Variants in C2CD2 observed in about 807,000 individuals in gnomAD.
The protein encoded by C2CD2 is C2 domain-containing protein 2.
In C2CD2, 43 loss-of-function variants were observed where a neutral mutation model predicts 74.3. The ratio of observed to expected loss-of-function variants is 0.58; its 90% CI spans 0.45 to 0.75. The LOEUF (loss-of-function observed/expected upper bound fraction) is 0.75, where lower values mean the gene tolerates loss of function less well. Ranked by LOEUF, C2CD2 falls within the 30% of genes least tolerant of loss-of-function variation. The pLI is 0.00. For missense variants in C2CD2, 801 were observed against 916.3 expected, an observed-to-expected ratio of 0.87 and a Z score of 1.63; for synonymous variants, 422 against 390.7, an observed-to-expected ratio of 1.08 and a Z score of -0.94.
chr21:41,938,556 T>C (rs911849353), intron 2 of C2CD2, among the ~76,000 whole-genome samples: 4 of 152,032 alleles, frequency 2.6e-5, no homozygotes, highest in African/African-American at 9.7e-5. Context: ...AACTCCCCGC[T>C]TTCCTCCCCC....
At chr21:41,937,939 C>A (rs531443971) in intron 2 of C2CD2, among the ~76,000 whole-genome samples, 27 of 152,102 alleles carry the variant, frequency 1.8e-4, no homozygotes, top group Admixed American at 1.6e-3. Context: ...ATGGTGGTTA[C>A]CAGACGCTGG....
intron 6 of C2CD2, among the ~76,000 whole-genome samples, chr21:41,913,027 A>G (rs980567109): frequency 1.3e-5 from 2 of 152,228 alleles, no homozygotes; most frequent in East Asian, 3.9e-4. Flanking sequence ...GCTGGCCACA[A>G]GCGTGGGCTC....
Position 41,889,125 on chromosome 21 carries a change from T to C in C2CD2, c.2090A>G (p.Ter697TrpextTer77). Residue 697 changes from the stop codon to tryptophan (W), a stop_lost, in exon 14 of 14, where the codon TAG becomes TGG. Transcript: ENST00000380486. Reference protein sequence around the residue: ...MNGAPVEPCT* With the variant: ...MNGAPVEPCTW ...GCTTGGAGGTGATGACCTCAGGCCC[T>C]ACGTGCAGGGCTCCACGGGGGCACC... is the stretch of plus-strand genomic sequence containing the variant. 6.2e-7 allele frequency: 1 copy of C among 1,610,844 alleles called. No individual in the cohort carries two copies. Among genetic ancestry groups the C allele is most frequent in the East Asian group, 2.2e-5 (1 of 44,888 alleles).
rs2064670542 is a variant in C2CD2 at position 41,885,260 on chromosome 21, C to T, written c.*3864G>A. On this transcript the variant is annotated 3_prime_UTR_variant, in exon 14 of 14. Coordinates refer to ENST00000380486, the MANE Select transcript of C2CD2 (RefSeq NM_015500.2). ...TGCTACTGAGGAATACAATCATTGT[C>T]ACGTAAGTTCATCACCGCACTCCAG... 2.0e-5 allele frequency: 3 copies of T among 152,258 alleles called. No individual in the cohort carries two copies. Among genetic ancestry groups the T allele is most frequent in the Admixed American group, 6.5e-5 (1 of 15,286 alleles). The allele number at this position is 152,258 out of a possible 1,614,324, so 9.4% of individuals were successfully genotyped here. A position where few individuals can be genotyped will look rare whatever the true frequency, so the allele number is the denominator to read the frequency against.
intron 6 of C2CD2, among the ~76,000 whole-genome samples, chr21:41,914,326 A>AGAT (rs10675411): frequency 6.6e-5 from 10 of 152,050 alleles, no homozygotes; most frequent in African/African-American, 2.4e-4. Flanking sequence ...AGAAAAGATA[A>AGAT]AAAAGGCAGG....
Position 41,953,469 on chromosome 21 carries a change from G to T in C2CD2, c.180C>A (p.Ser60=). Residue 60 remains serine (S), a synonymous_variant, in exon 1 of 14, where the codon TCC becomes TCA. Coordinates refer to ENST00000380486, the MANE Select transcript of C2CD2 (RefSeq NM_015500.2). ...VEPGEGPRPG[S]DALLSWILTL... ...TCAGGATCCAGGAGAGCAGCGCGTCGGACCCCGGGCGCGGCCCCTCTCCAG... is the reference window on the plus strand; with the variant it reads ...TCAGGATCCAGGAGAGCAGCGCGTCTGACCCCGGGCGCGGCCCCTCTCCAG... The T allele has an allele frequency of 6.7e-7, 1 of 1,485,406 alleles. No individual in the cohort carries two copies. The highest frequency in any genetic ancestry group is 9.0e-7 in the Non-Finnish European group (1 of 1,115,030). The allele number at this position is 1,485,406 out of a possible 1,614,324, so 92.0% of individuals were successfully genotyped here.
intron 2 of C2CD2, among the ~76,000 whole-genome samples, chr21:41,937,523 G>A (rs2065318980): frequency 6.6e-6 from 1 of 152,192 alleles, no homozygotes; most frequent in African/African-American, 2.4e-5. Context: ...TCAACAGCAG[G>A]CTATTAATAG....
intron 3 of C2CD2, 199 bp from the exon 4 acceptor site, chr21:41,919,159 T>C: frequency 1.7e-6 from 1 of 598,160 alleles, no homozygotes; most frequent in Admixed American, 2.8e-5. Flanking sequence ...TGTGTGCATG[T>C]ATGAGCATGT....
Position 41,903,638 on chromosome 21 carries a change from GTGC to G in C2CD2, c.1433-1892_1433-1890del, listed in dbSNP as rs2064925675. 6.6e-6 allele frequency among the ~76,000 whole-genome samples: 1 copy of G among 152,186 alleles called. No individual in the cohort carries two copies. Among genetic ancestry groups the G allele is most frequent in the Non-Finnish European group, 1.5e-5 (1 of 68,010 alleles). ...GGGGAGGACTCCTTAGGAGAAAGCTGTGCTGTAATTCCCAAAGCCACCAAGGGA... is the reference window on the plus strand; with the variant it reads ...GGGGAGGACTCCTTAGGAGAAAGCTGTGTAATTCCCAAAGCCACCAAGGGA... On this transcript the variant is annotated intron_variant, in intron 11 of 13. Transcript: ENST00000380486. This position sits in a 1 kb window ranked among gnomAD's most constrained non-coding sequence, Gnocchi z 4.5.
chr21:41,887,705 C>T lies in C2CD2; in HGVS notation c.*1419G>A, dbSNP rs1295100882. On this transcript the variant is annotated 3_prime_UTR_variant, in exon 14 of 14. Coordinates refer to ENST00000380486, the MANE Select transcript of C2CD2 (RefSeq NM_015500.2). ...TTTACTCACCAGTGGCTCTATTACC[C>T]CCGAAATATTTAATGTTTAAGGATT... 1 of 152,058 alleles carries T rather than the reference C, an allele frequency of 6.6e-6. No homozygotes were observed. Among genetic ancestry groups the T allele is most frequent in the Non-Finnish European group, 1.5e-5 (1 of 68,034 alleles). The allele number at this position is 152,058 out of a possible 1,614,324, so 9.4% of individuals were successfully genotyped here.
rs1481747833 is a variant in C2CD2 at position 41,924,335 on chromosome 21, A to G, written c.379-2250T>C. On this transcript the variant is annotated intron_variant, in intron 2 of 13. Transcript: ENST00000380486. This position sits in a 1 kb window ranked among gnomAD's most constrained non-coding sequence, Gnocchi z 4.4. Reference sequence around the variant, plus strand: ...AGGCCCGGGCAGGGGTCAACATCCAATATCCACAACCAAATACCTCAATGC... The same window carrying G: ...AGGCCCGGGCAGGGGTCAACATCCAGTATCCACAACCAAATACCTCAATGC... Among the ~76,000 whole-genome samples, 1 of 152,182 alleles carries G rather than the reference A, an allele frequency of 6.6e-6. No homozygotes were observed. The highest frequency in any genetic ancestry group is 2.4e-5 in the African/African-American group (1 of 41,446).
chr21:41,933,076 C>T (rs898284425), intron 2 of C2CD2, among the ~76,000 whole-genome samples: 1 of 150,362 alleles, frequency 6.7e-6, no homozygotes, highest in African/African-American at 2.4e-5. Context: ...GTTCCGGCGG[C>T]CTTGTCCCTG....
intron 13 of C2CD2, among the ~76,000 whole-genome samples, chr21:41,897,592 G>T (rs1462239563): frequency 6.6e-6 from 1 of 152,192 alleles, no homozygotes; most frequent in South Asian, 2.1e-4. Flanking sequence ...CAGGCAGTGG[G>T]CAAACAGAGT....
rs2065334381 is a variant in C2CD2, at chr21:41,939,158, T to C, written c.378+2989A>G. On this transcript the variant is annotated intron_variant, in intron 2 of 13. Transcript: ENST00000380486. This position sits in a 1 kb window ranked among gnomAD's most constrained non-coding sequence, Gnocchi z 5.5. Reference sequence around the variant, plus strand: ...GGTTCCTTCCACATTTCAGCAGTTATGAAAAATGTTGCTATGGTCATGGCC... The same window carrying C: ...GGTTCCTTCCACATTTCAGCAGTTACGAAAAATGTTGCTATGGTCATGGCC... 6.6e-6 allele frequency among the ~76,000 whole-genome samples: 1 copy of C among 152,204 alleles called. No homozygotes were observed. Among genetic ancestry groups the C allele is most frequent in the South Asian group, 2.1e-4 (1 of 4,828 alleles).
intron 13 of C2CD2, among the ~76,000 whole-genome samples, chr21:41,890,729 A>G (rs1427997590): frequency 6.6e-6 from 1 of 152,256 alleles, no homozygotes; most frequent in Admixed American, 6.5e-5. Flanking sequence ...AGGTTGAAGG[A>G]GGGCACGAAG....
chr21:41,948,870 C>CTTTTGTTTTTTTT (rs1339605498), intron 1 of C2CD2, among the ~76,000 whole-genome samples: 1 of 80,686 alleles, frequency 1.2e-5, no homozygotes, highest in Admixed American at 2.0e-4. Context: ...CACACAGCAT[C>CTTTTGTTTTTTTT]TTTTTTTTTT....
chr21:41,926,400 C>A lies in C2CD2; in HGVS notation c.379-4315G>T. ...CACATGGAAAGGCCAAGGGGGGACT[C>A]ACGGTTGGCAGGTGAGGGTTTGGGT... On this transcript the variant is annotated intron_variant, in intron 2 of 13. Transcript: ENST00000380486. This position sits in a 1 kb window ranked among gnomAD's most constrained non-coding sequence, Gnocchi z 8.0. The A allele has an allele frequency of 1.0e-6, 1 of 982,772 alleles. No individual in the cohort carries two copies. The highest frequency in any genetic ancestry group is 1.2e-6 in the Non-Finnish European group (1 of 827,686). The allele number at this position is 982,772 out of a possible 1,614,324, so 60.9% of individuals were successfully genotyped here.
chr21:41,910,368 T>A lies in C2CD2; in HGVS notation c.954-845A>T, dbSNP rs1369039452. Among the ~76,000 whole-genome samples the A allele has an allele frequency of 3.3e-5, 5 of 152,204 alleles. No individual in the cohort carries two copies. The East Asian group carries it at 9.6e-4, about 29-fold the overall frequency. On this transcript the variant is annotated intron_variant, in intron 7 of 13. Coordinates refer to ENST00000380486, the MANE Select transcript of C2CD2 (RefSeq NM_015500.2). ...ATATCTTTGCACGCCGTGTGATTAT[T>A]TCCTTAGGAAAACTCTAATTGCCTG...
chr21:41,911,607 G>A (rs2065026700), intron 7 of C2CD2, among the ~76,000 whole-genome samples: 1 of 151,798 alleles, frequency 6.6e-6, no homozygotes, highest in Non-Finnish European at 1.5e-5. Flanking sequence ...TGTTGGCCAG[G>A]TTGGTCTCGA....
Sources: allele counts gnomAD v4.1 joint callset (sites outside exome capture counted in the v4.1 genomes callset), GRCh38; gene constraint gnomAD v4.1.1; non-coding constraint Gnocchi (gnomAD v3.1); transcripts MANE v1.5; gene names NCBI Gene and HGNC (gene_info 2026-07-23, HGNC 2026-07-21).